The following STRN variants were observed in gnomAD, a reference collection of about 807,000 sequenced individuals.
The protein encoded by STRN is striatin, also known as protein phosphatase 2 regulatory subunit B'''alpha.
In STRN, 53 loss-of-function variants were observed where a neutral mutation model predicts 96.3. The observed-to-expected ratio is 0.55, with a 90% CI of 0.44 to 0.69. STRN has a LOEUF of 0.69. Among genes scored for constraint, STRN ranks in the 30% least tolerant of loss-of-function variants. The pLI, the probability that STRN is intolerant of heterozygous loss-of-function variation, is 0.00. For synonymous variants in STRN, 428 were observed against 355.9 expected (o/e 1.20, Z -2.28); for missense variants, 987 against 963.9 (o/e 1.02, Z -0.32).
intron 13 of STRN, among the ~76,000 whole-genome samples, chr2:36,860,498 T>A (rs777160244): frequency 1.3e-5 from 2 of 152,216 alleles, no homozygotes; most frequent in Admixed American, 1.3e-4. Flanking sequence ...GAAATTAAAA[T>A]GCTTTTATGA....
chr2:36,942,900 T>C (rs1322210450), intron 1 of STRN, among the ~76,000 whole-genome samples: 1 of 151,700 alleles, frequency 6.6e-6, no homozygotes, highest in Admixed American at 6.6e-5. Context: ...TTCACCATGT[T>C]GGCCAGGCTG....
chr2:36,935,394 G>C (rs1670677028), intron 1 of STRN, among the ~76,000 whole-genome samples: 1 of 152,150 alleles, frequency 6.6e-6, no homozygotes, highest in African/African-American at 2.4e-5. Context: ...AAAAAGGCAA[G>C]AAAATAAGGA....
chr2:36,900,951 A>T (rs755942945), intron 5 of STRN, among the ~76,000 whole-genome samples: 7 of 151,960 alleles, frequency 4.6e-5, no homozygotes, highest in Admixed American at 6.6e-5. Context: ...CCAGAACAGA[A>T]AGATTTATCT....
At chr2:36,893,664 TC>T (rs1669461534) in intron 7 of STRN, among the ~76,000 whole-genome samples, 1 of 152,194 alleles carries the variant, frequency 6.6e-6, no homozygotes, top group Non-Finnish European at 1.5e-5. Context: ...GTATAGTAAT[TC>T]AAATTCTTTT....
intron 13 of STRN, 140 bp downstream of exon 13, chr2:36,860,992 T>C (rs990964097): frequency 2.0e-6 from 2 of 995,284 alleles, no homozygotes; most frequent in Non-Finnish European, 2.8e-6. Flanking sequence ...AATACAGAAG[T>C]CCTTTTTAAC....
At chr2:36,963,402 C>T (rs1187029244) in intron 1 of STRN, among the ~76,000 whole-genome samples, 1 of 152,206 alleles carries the variant, frequency 6.6e-6, no homozygotes, top group East Asian at 1.9e-4. Flanking sequence ...CGTATTTCAT[C>T]ACAACGCATT....
intron 1 of STRN, among the ~76,000 whole-genome samples, chr2:36,950,634 T>C (rs1019691291): frequency 2.6e-5 from 4 of 152,196 alleles, no homozygotes; most frequent in African/African-American, 9.7e-5. Context: ...ATCTGCCTCT[T>C]CTCCATGGTA....
Position 36,848,877 on chromosome 2 carries a change from C to G in STRN, c.*579G>C, listed in dbSNP as rs1053971554. On this transcript the variant is annotated 3_prime_UTR_variant, in exon 18 of 18. Coordinates refer to ENST00000263918, the MANE Select transcript of STRN (RefSeq NM_003162.4). ...AACATATTATTGCATTTTTCTCCCC[C>G]TAACAGGTAAAATGCTTTGCCAGGT... The G allele has an allele frequency of 2.0e-5, 3 of 152,686 alleles. No individual in the cohort carries two copies. Among genetic ancestry groups the G allele is most frequent in the African/African-American group, 7.2e-5 (3 of 41,420 alleles). The allele number at this position is 152,686 out of a possible 1,614,324, so 9.5% of individuals were successfully genotyped here. A position where few individuals can be genotyped will look rare whatever the true frequency, so the allele number is the denominator to read the frequency against.
chr2:36,896,637 T>C (rs1353488806), intron 6 of STRN, among the ~76,000 whole-genome samples: 3 of 152,064 alleles, frequency 2.0e-5, no homozygotes, highest in East Asian at 1.9e-4. Flanking sequence ...CAAAAACCAT[T>C]AGGAGGGCCA....
At chr2:36,864,918 T>C (rs1418980199) in intron 12 of STRN, among the ~76,000 whole-genome samples, 1 of 152,196 alleles carries the variant, frequency 6.6e-6, no homozygotes, top group Non-Finnish European at 1.5e-5. Context: ...TTTCACCATG[T>C]TGGCCAGGCT....
intron 7 of STRN, among the ~76,000 whole-genome samples, chr2:36,893,067 GA>G (rs918512445): frequency 3.9e-4 from 55 of 142,000 alleles, no homozygotes; most frequent in East Asian, 6.0e-4. Context: ...GACTCGGTAT[GA>G]AAAAAAAAAA....
chr2:36,887,689 G>C (rs1572649472), intron 7 of STRN, among the ~76,000 whole-genome samples: 1 of 152,182 alleles, frequency 6.6e-6, no homozygotes, highest in African/African-American at 2.4e-5. Context: ...CATAGCATTT[G>C]AAAAATTTAT....
At position 36,849,181 on chromosome 2, in the gene STRN, G is replaced by C. The variant is rs574412743; in HGVS notation, c.*275C>G. ...TTGTATTCGCTCAGGCCTGCCTAGC[G>C]AATTAGAACCACCTCAGAAATAAAG... is the stretch of plus-strand genomic sequence containing the variant. On this transcript the variant is annotated 3_prime_UTR_variant, in exon 18 of 18. Transcript: ENST00000263918. The C allele has an allele frequency of 2.3e-5, 9 of 383,472 alleles. No homozygotes were observed. The highest frequency in any genetic ancestry group is 1.4e-4 in the African/African-American group (7 of 49,430). The allele number at this position is 383,472 out of a possible 1,614,324, so 23.8% of individuals were successfully genotyped here. A position where few individuals can be genotyped will look rare whatever the true frequency, so the allele number is the denominator to read the frequency against.
intron 7 of STRN, among the ~76,000 whole-genome samples, chr2:36,889,421 C>A (rs1406416595): frequency 6.6e-6 from 1 of 151,330 alleles, no homozygotes; most frequent in Non-Finnish European, 1.5e-5. Flanking sequence ...TAATTTTCAT[C>A]AATCAGGTCT....
At chr2:36,920,295 T>C (rs1670218550) in intron 2 of STRN, among the ~76,000 whole-genome samples, 1 of 152,166 alleles carries the variant, frequency 6.6e-6, no homozygotes, top group Non-Finnish European at 1.5e-5. Flanking sequence ...ATTATACAAA[T>C]AGTGCCATAA....
In STRN at chr2:36,841,029, A is replaced by T. The variant is rs906386633; in HGVS notation, c.*8427T>A. 8 of 152,204 alleles carry T rather than the reference A, an allele frequency of 5.3e-5. No homozygotes were observed. Among genetic ancestry groups the T allele is most frequent in the Non-Finnish European group, 1.0e-4 (7 of 68,032 alleles). The allele number at this position is 152,204 out of a possible 1,614,324, so 9.4% of individuals were successfully genotyped here. The stretch of plus-strand genomic sequence containing the variant: ...ACCTCAAGGGCACAAAATTGCCTGG[A>T]ACTACAACCTTCAAGTTCAAAATTT... On this transcript the variant is annotated 3_prime_UTR_variant, in exon 18 of 18. Transcript: ENST00000263918.
intron 1 of STRN, among the ~76,000 whole-genome samples, chr2:36,949,198 T>C (rs1420521370): frequency 6.6e-6 from 1 of 152,240 alleles, no homozygotes; most frequent in East Asian, 1.9e-4. Flanking sequence ...AGCAATAGGC[T>C]ATGCCATATA....
rs1277669928 is a variant in STRN, at chr2:36,838,206, G to T, written c.*11250C>A. On this transcript the variant is annotated 3_prime_UTR_variant, in exon 18 of 18. Transcript: ENST00000263918. ...GAAGGGACCACGTGCAAGGACCACG[G>T]AGCAACCTCTAAAGGATCAGATTTG... Among the ~76,000 whole-genome samples, 3 of 152,298 alleles carry T rather than the reference G, an allele frequency of 2.0e-5. No individual in the cohort carries two copies. Among genetic ancestry groups the T allele is most frequent in the Admixed American group, 2.0e-4 (3 of 15,302 alleles).
intron 3 of STRN, among the ~76,000 whole-genome samples, chr2:36,912,116 T>C (rs1669977445): frequency 6.6e-6 from 1 of 152,206 alleles, no homozygotes; most frequent in Non-Finnish European, 1.5e-5. Context: ...ATGCTCCTCC[T>C]GCCATTCTCC....
Sources: gnomAD v4.1 joint callset for allele counts (sites outside exome capture counted in the v4.1 genomes callset) on GRCh38, gnomAD v4.1.1 for gene constraint, MANE v1.5 for transcripts, NCBI Gene and HGNC (gene_info 2026-07-23, HGNC 2026-07-21) for gene names.